The following LIMCH1 variants were observed in gnomAD, a reference collection of about 807,000 sequenced individuals.
LIMCH1 encodes the protein LIM and calponin homology domains 1.
LIMCH1 carries 113 observed loss-of-function variants against 176.5 expected under a neutral mutation model. That is an observed-to-expected ratio of 0.64 (90% CI 0.55 to 0.75). LIMCH1 has a LOEUF of 0.75. LIMCH1 is among the 30% of genes least tolerant of loss of function. The pLI is 0.00. For missense variants in LIMCH1, 1,674 were observed against 1,814.9 expected, an observed-to-expected ratio of 0.92 and a Z score of 1.41; for synonymous variants, 619 against 645.9, an observed-to-expected ratio of 0.96 and a Z score of 0.63.
intron 21 of LIMCH1, 91 bp from the exon 22 acceptor site, chr4:41,671,463 G>A: frequency 1.1e-6 from 1 of 937,396 alleles, no homozygotes; most frequent in Non-Finnish European, 1.7e-6. Flanking sequence ...AGCTGATGTA[G>A]GAACTATACT....
chr4:41,503,504 T>G (rs890746310), intron 2 of LIMCH1, among the ~76,000 whole-genome samples: 1 of 152,178 alleles, frequency 6.6e-6, no homozygotes, highest in Non-Finnish European at 1.5e-5. Flanking sequence ...CTTTGGAACT[T>G]CTAGTGGAGA....
At chr4:41,533,453 C>G (rs10004303), upstream of LIMCH1, among the ~76,000 whole-genome samples, 74,740 of 152,048 alleles carry the variant, frequency 0.49, 22,046 homozygotes, top group African/African-American at 0.83. Flanking sequence ...TCCTGAACAC[C>G]GGCTCCTTGT....
intron 2 of LIMCH1, among the ~76,000 whole-genome samples, chr4:41,522,806 G>A (rs534163673): frequency 6.6e-5 from 10 of 152,264 alleles, no homozygotes; most frequent in African/African-American, 1.7e-4. Context: ...ACTATAAAAT[G>A]AGAAGAGTGA....
intron 2 of LIMCH1, among the ~76,000 whole-genome samples, chr4:41,600,460 A>G (rs1049099846): frequency 3.3e-5 from 5 of 152,230 alleles, no homozygotes; most frequent in African/African-American, 1.2e-4. Context: ...AGGGTGAAGG[A>G]AAGGTCACTT....
At chr4:41,392,286 A>G (rs565593559) in intron 1 of LIMCH1, among the ~76,000 whole-genome samples, 49 of 152,334 alleles carry the variant, frequency 3.2e-4, no homozygotes, top group African/African-American at 1.1e-3. Flanking sequence ...GTGCTATGGA[A>G]AAAATAAAGC....
chr4:41,392,089 A>G (rs1305482502), intron 1 of LIMCH1, among the ~76,000 whole-genome samples: 2 of 152,196 alleles, frequency 1.3e-5, no homozygotes, highest in Admixed American at 6.5e-5. Flanking sequence ...TTAACATGTC[A>G]GGTTTTCTTC....
intron 3 of LIMCH1, among the ~76,000 whole-genome samples, chr4:41,532,261 G>A (rs1336497446): frequency 6.6e-6 from 1 of 152,176 alleles, no homozygotes; most frequent in Non-Finnish European, 1.5e-5. Flanking sequence ...TTTATTTACT[G>A]CCTCCCAGGT....
intron 17 of LIMCH1, among the ~76,000 whole-genome samples, chr4:41,649,357 A>G (rs1354089641): frequency 6.6e-6 from 1 of 152,144 alleles, no homozygotes; most frequent in African/African-American, 2.4e-5. Flanking sequence ...CTGAGATTAC[A>G]CCACTCCACT....
At chr4:41,631,110 C>A in intron 9 of LIMCH1, 38 bp from the exon 10 acceptor site, 1 of 1,358,788 alleles carries the variant, frequency 7.4e-7, no homozygotes, top group Non-Finnish European at 9.7e-7. Context: ...TTGATTTGTA[C>A]TCAGACACTT....
At chr4:41,451,845 A>G (rs73140662) in intron 1 of LIMCH1, among the ~76,000 whole-genome samples, 1 of 152,126 alleles carries the variant, frequency 6.6e-6, no homozygotes, top group Non-Finnish European at 1.5e-5. Flanking sequence ...TATTCTGCAC[A>G]AAATTTCATC....
chr4:41,422,279 CCAGGTT>C (rs1351612049), intron 1 of LIMCH1, among the ~76,000 whole-genome samples: 1 of 151,920 alleles, frequency 6.6e-6, no homozygotes, highest in Admixed American at 6.6e-5. Flanking sequence ...CCTCCACCTC[CCAGGTT>C]CAAGCGATTC....
chr4:41,630,861 T>A (rs1396078427), intron 9 of LIMCH1, among the ~76,000 whole-genome samples: 4 of 152,246 alleles, frequency 2.6e-5, no homozygotes, highest in Admixed American at 1.3e-4. Context: ...AACGTAAGCA[T>A]ACCTTATACG....
chr4:41,621,207 C>T (rs370795240), intron 7 of LIMCH1, among the ~76,000 whole-genome samples: 5 of 152,192 alleles, frequency 3.3e-5, no homozygotes, highest in African/African-American at 4.8e-5. Context: ...GTTTCTAAAG[C>T]ATGTTGATTC....
chr4:41,419,602 C>CCTTCCTCCTTCCTCCTTCCTTCCTTCCTT (rs1430975004), intron 1 of LIMCH1, among the ~76,000 whole-genome samples: 1 of 70,558 alleles, frequency 1.4e-5, no homozygotes, highest in African/African-American at 1.2e-4. Flanking sequence ...TTCCTTCCTT[C>CCTTCCTCCTTCCTCCTTCCTTCCTTCCTT]CGTCCTTCCT....
intron 1 of LIMCH1, among the ~76,000 whole-genome samples, chr4:41,458,561 G>A (rs760261312): frequency 2.6e-5 from 4 of 151,994 alleles, no homozygotes; most frequent in Non-Finnish European, 5.9e-5. Context: ...CAATCACGAG[G>A]TCAAGAGATC....
rs2092478186 is a variant in LIMCH1 at position 41,620,441 on chromosome 4, AG to A, written c.478del (p.Glu160LysfsTer18). 6.5e-7 allele frequency: 1 copy of A among 1,535,910 alleles called. No individual in the cohort carries two copies. Among genetic ancestry groups the A allele is most frequent in the South Asian group, 1.2e-5 (1 of 84,054 alleles). On this transcript the variant is annotated frameshift_variant, in exon 7 of 32. Coordinates refer to ENST00000503057, the MANE Select transcript of LIMCH1 (RefSeq NM_001330672.2). LOFTEE classifies it high-confidence loss of function. ...ERPFSFPETIEEEGSEVGSAG... is the reference protein window; with the variant it reads ...ERPFSFPETIXEEGSEVGSAG... The stretch of plus-strand genomic sequence containing the variant: ...CTCACTAGCTTTCCTGAAACGATAG[AG>A]GAAGAGGGGAGTGAAGTGGGGTCTG...
Position 41,687,883 on chromosome 4 carries a change from T to C in LIMCH1, c.4132T>C (p.Cys1378Arg), listed in dbSNP as rs764646474. 5.8e-5 allele frequency: 94 copies of C among 1,613,518 alleles called. No homozygotes were observed. The highest frequency in any genetic ancestry group is 7.2e-5 in the Non-Finnish European group (85 of 1,179,706). Residue 1378 changes from cysteine (C) to arginine (R), a missense_variant, in exon 29 of 32, where the codon TGT (cysteine) becomes CGT (arginine). This residue lies in a region of LIMCH1 where 1,015 missense variants were observed against 1,102.5 expected (regional missense o/e 0.92). Transcript: ENST00000503057. Reference protein sequence around the residue: ...EHFQAGPFSPCSPTPPGQSPN... With the variant: ...EHFQAGPFSPRSPTPPGQSPN... ...CTTCCAGGCTGGGCCTTTCTCTCCC[T>C]GTTCTCCCACCCCTCCCGGTCAGTC...
At chr4:41,361,545 C>A (rs1028908294) in intron 1 of LIMCH1, among the ~76,000 whole-genome samples, 5 of 152,212 alleles carry the variant, frequency 3.3e-5, no homozygotes, top group Non-Finnish European at 7.3e-5. Flanking sequence ...TCCGCATAGA[C>A]GCTGCCCAGC....
Position 41,514,990 on chromosome 4 carries a change from C to T in LIMCH1, c.168-9419C>T, listed in dbSNP as rs1420237321. On this transcript the variant is annotated intron_variant, in intron 2 of 26. Coordinates refer to the LIMCH1 transcript ENST00000313860. ...GTTGAACCCGGCTTCTTGAGTGTGT[C>T]TGGGCTTAGCTGGTGTGGGGTAAAC... Among the ~76,000 whole-genome samples, 5 of 152,288 alleles carry T rather than the reference C, an allele frequency of 3.3e-5. No homozygotes were observed. The East Asian group carries it at 9.6e-4, about 29-fold the overall frequency.
Sources: gnomAD v4.1 joint callset for allele counts (sites outside exome capture counted in the v4.1 genomes callset) on GRCh38, gnomAD v4.1.1 for gene constraint, gnomAD v4.1.1 regional missense constraint, MANE v1.5 for transcripts, NCBI Gene and HGNC (gene_info 2026-07-23, HGNC 2026-07-21) for gene names.